Variants in ZNF26 observed in about 807,000 individuals in gnomAD.
The protein encoded by ZNF26 is zinc finger protein 26.
In ZNF26, 32 loss-of-function variants were observed where a neutral mutation model predicts 54.9. That is an observed-to-expected ratio of 0.58 (90% CI 0.44 to 0.78). The LOEUF is 0.78. Ranked by LOEUF, ZNF26 falls within the 30% of genes least tolerant of loss-of-function variation. The pLI is 0.00. For missense variants in ZNF26, 524 were observed against 634.0 expected (o/e 0.83, Z 1.86); for synonymous variants, 221 against 209.2 (o/e 1.06, Z -0.49).
intron 3 of ZNF26, among the ~76,000 whole-genome samples, chr12:133,007,825 A>G (rs1035042915): frequency 2.0e-5 from 3 of 151,992 alleles, no homozygotes; most frequent in African/African-American, 7.2e-5. Context: ...CATGGGTTTT[A>G]TTGGGCATCG....
intron 3 of ZNF26, among the ~76,000 whole-genome samples, chr12:133,009,092 G>T (rs902280540): frequency 3.9e-5 from 6 of 152,222 alleles, no homozygotes; most frequent in South Asian, 2.1e-4. Context: ...CTCCCACCAG[G>T]CCCCACCTCC....
Position 133,012,604 on chromosome 12 carries a change from T to TTTTTTTTTTC in ZNF26, c.*1128_*1129insTTTTCTTTTT, listed in dbSNP as rs1953505751. On this transcript the variant is annotated 3_prime_UTR_variant, in exon 4 of 4. Coordinates refer to ENST00000328654, the MANE Select transcript of ZNF26 (RefSeq NM_019591.4). ...TTTTTTTTTTTTTTTTTTTTTTTTTTTTTTTGAGACTAAGTTTCACTCTTG... is the reference window on the plus strand; with the variant it reads ...TTTTTTTTTTTTTTTTTTTTTTTTTTTTTTTTTTTCTTTTTGAGACTAAGTTTCACTCTTG... 4 of 137,892 alleles carry TTTTTTTTTTC rather than the reference T, an allele frequency of 2.9e-5. No individual in the cohort carries two copies. Among genetic ancestry groups the TTTTTTTTTTC allele is most frequent in the African/African-American group, 8.4e-5 (3 of 35,620 alleles). 8.5% of individuals were successfully genotyped at this position (137,892 alleles called of 1,614,324 possible). A position where few individuals can be genotyped will look rare whatever the true frequency, so the allele number is the denominator to read the frequency against.
rs1299067508 is a variant in ZNF26, at chr12:133,015,944, A to C, written c.*4463A>C. On this transcript the variant is annotated 3_prime_UTR_variant, in exon 4 of 4. Coordinates refer to ENST00000328654, the MANE Select transcript of ZNF26 (RefSeq NM_019591.4). ...TGACTCTTTAATAGAAGTCTGAACT[A>C]GGTATGCCATATATTTCCATATATC... The C allele has an allele frequency of 6.6e-6, 1 of 152,164 alleles. No homozygotes were observed. The highest frequency in any genetic ancestry group is 1.9e-4 in the East Asian group (1 of 5,198). The allele number at this position is 152,164 out of a possible 1,614,324, so 9.4% of individuals were successfully genotyped here.
chr12:132,992,868 C>CT (rs75658006), intron 1 of ZNF26, among the ~76,000 whole-genome samples: 9 of 149,172 alleles, frequency 6.0e-5, no homozygotes, highest in African/African-American at 1.2e-4. Flanking sequence ...ATATTCTGTT[C>CT]TTTTTTTTTT....
intron 3 of ZNF26, among the ~76,000 whole-genome samples, chr12:133,008,015 G>A (rs772871038): frequency 1.3e-5 from 2 of 151,918 alleles, no homozygotes; most frequent in South Asian, 2.1e-4. Flanking sequence ...TCCCTTTTGC[G>A]TTGTCCAGAG....
chr12:133,004,490 AT>A (rs796972680), intron 1 of ZNF26: 2,836 of 146,158 alleles, frequency 0.019, 82 homozygotes, highest in African/African-American at 0.063. Context: ...ATAGGGTGTA[AT>A]TTTTTTTTTT....
intron 1 of ZNF26, 138 bp downstream of exon 1, chr12:132,987,011 C>T: frequency 1.1e-6 from 1 of 918,448 alleles, no homozygotes; most frequent in East Asian, 2.8e-5. Context: ...CCCTCCCCAC[C>T]AAACCAAAGC....
chr12:133,023,222 C>T lies in ZNF26; in HGVS notation c.*11741C>T, dbSNP rs1953664007. ...AGTTTTCTAGAATACTGCACATTAT[C>T]AAAACTGACCAAAGCAGAAAAAGCA... On this transcript the variant is annotated 3_prime_UTR_variant, in exon 4 of 4. Coordinates refer to ENST00000328654, the MANE Select transcript of ZNF26 (RefSeq NM_019591.4). The T allele has an allele frequency of 6.6e-6, 1 of 152,054 alleles. No individual in the cohort carries two copies. Among genetic ancestry groups the T allele is most frequent in the African/African-American group, 2.4e-5 (1 of 41,398 alleles). The allele number at this position is 152,054 out of a possible 1,614,324, so 9.4% of individuals were successfully genotyped here. A position where few individuals can be genotyped will look rare whatever the true frequency, so the allele number is the denominator to read the frequency against.
At position 133,011,973 on chromosome 12, in the gene ZNF26, C is replaced by G. The variant is rs1953484828; in HGVS notation, c.*492C>G. On this transcript the variant is annotated 3_prime_UTR_variant, in exon 4 of 4. Transcript: ENST00000328654. ...TTAATGGATATTTAATGTGACTTTC[C>G]TGAGTTAACACTGAATAGTATTTCT... The G allele has an allele frequency of 1.3e-5, 2 of 152,234 alleles. No homozygotes were observed. The highest frequency in any genetic ancestry group is 4.8e-5 in the African/African-American group (2 of 41,394). The allele number at this position is 152,234 out of a possible 1,614,324, so 9.4% of individuals were successfully genotyped here.
chr12:132,996,417 C>T (rs1953086053), intron 1 of ZNF26, among the ~76,000 whole-genome samples: 1 of 152,148 alleles, frequency 6.6e-6, no homozygotes, highest in African/African-American at 2.4e-5. Context: ...TTTGTTTAGT[C>T]CTCCTTCCTT....
rs1437502345 is a variant in ZNF26 at position 133,020,345 on chromosome 12, T to A, written c.*8864T>A. ...CTCATGAAGATAGAGTTGATGGTGG[T>A]TACCAGAAGCTGGGAAGAGGGGGAA... On this transcript the variant is annotated 3_prime_UTR_variant, in exon 4 of 4. Transcript: ENST00000328654. 6.6e-6 allele frequency: 1 copy of A among 151,930 alleles called. No individual in the cohort carries two copies. The highest frequency in any genetic ancestry group is 1.5e-5 in the Non-Finnish European group (1 of 68,022). The allele number at this position is 151,930 out of a possible 1,614,324, so 9.4% of individuals were successfully genotyped here.
rs1953596273 is a variant in ZNF26 at position 133,018,456 on chromosome 12, A to G, written c.*6975A>G. ...AGTAGACTCTGATAAGTTAATGTGT[A>G]TTTAACACTTCCTAGAACAAACACT... On this transcript the variant is annotated 3_prime_UTR_variant, in exon 4 of 4. Transcript: ENST00000328654. 1 of 152,230 alleles carries G rather than the reference A, an allele frequency of 6.6e-6. No individual in the cohort carries two copies. The highest frequency in any genetic ancestry group is 1.5e-5 in the Non-Finnish European group (1 of 68,046). 9.4% of individuals were successfully genotyped at this position (152,230 alleles called of 1,614,324 possible).
intron 1 of ZNF26, chr12:133,004,344 C>T (rs1177733384): frequency 6.6e-6 from 1 of 152,316 alleles, no homozygotes; most frequent in African/African-American, 2.4e-5. Flanking sequence ...TTGCATCACA[C>T]ACATGCTTAA....
In ZNF26 at chr12:133,001,525, G is replaced by T. The variant is rs1953218577; in HGVS notation, c.34-5517G>T. The T allele has an allele frequency of 1.9e-6, 1 of 525,276 alleles. No homozygotes were observed. Among genetic ancestry groups the T allele is most frequent in the Non-Finnish European group, 3.1e-6 (1 of 323,770 alleles). 32.5% of individuals were successfully genotyped at this position (525,276 alleles called of 1,614,324 possible). ...GGGGCTTGGTTGGAGCCTCTGACAG[G>T]GCTCTGCCCTGCAGTTCCATGGTGT... On this transcript the variant is annotated intron_variant, in intron 1 of 3. Coordinates refer to ENST00000328654, the MANE Select transcript of ZNF26 (RefSeq NM_019591.4). This position sits in a 1 kb window ranked among gnomAD's most constrained non-coding sequence, Gnocchi z 4.7.
At chr12:132,999,528 TA>T (rs1280600247) in intron 1 of ZNF26, among the ~76,000 whole-genome samples, 1 of 152,088 alleles carries the variant, frequency 6.6e-6, no homozygotes, top group East Asian at 1.9e-4. Flanking sequence ...GTGCTGGGAT[TA>T]CAGGCGTGAG....
chr12:133,010,151 G>C lies in ZNF26; in HGVS notation c.272G>C (p.Trp91Ser). The C allele has an allele frequency of 1.3e-6, 2 of 1,582,302 alleles. No individual in the cohort carries two copies. Among genetic ancestry groups the C allele is most frequent in the Non-Finnish European group, 8.5e-7 (1 of 1,170,650 alleles). Residue 91 changes from tryptophan (W) to serine (S), a missense_variant, in exon 4 of 4, where the codon TGG becomes TCG. Physicochemically the swap from Trp to Ser is radical, Grantham distance 177. Coordinates refer to ENST00000328654, the MANE Select transcript of ZNF26 (RefSeq NM_019591.4). ...RQSCPDGWEE[W>S]YQNNQDELES... ...TTTTTTGTAGATGGCTGGGAAGAAT[G>C]GTACCAGAACAATCAAGATGAGCTT...
Position 133,007,430 on chromosome 12 carries a change from T to C in ZNF26, c.161-7T>C. On this transcript the variant is annotated splice_region_variant and splice_polypyrimidine_tract_variant and intron_variant, in intron 2 of 3. Coordinates refer to ENST00000328654, the MANE Select transcript of ZNF26 (RefSeq NM_019591.4). ...GGTCCCCACCCTTTGTGATTTCCCA[T>C]CAACAGGGTATCATGGTACCAAGCC... is the stretch of plus-strand genomic sequence containing the variant. The C allele has an allele frequency of 6.2e-7, 1 of 1,609,332 alleles. No homozygotes were observed. The highest frequency in any genetic ancestry group is 8.5e-7 in the Non-Finnish European group (1 of 1,176,920).
chr12:132,995,713 G>A (rs982282052), intron 1 of ZNF26, among the ~76,000 whole-genome samples: 2 of 151,914 alleles, frequency 1.3e-5, no homozygotes, highest in Non-Finnish European at 2.9e-5. Flanking sequence ...GTGCAGTGGC[G>A]CGATCTTGGC....
In ZNF26 at chr12:133,011,765, A is replaced by T. The variant is rs1244028229; in HGVS notation, c.*284A>T. On this transcript the variant is annotated 3_prime_UTR_variant, in exon 4 of 4. Transcript: ENST00000328654. The stretch of plus-strand genomic sequence containing the variant: ...TAGGAACACCTTATAAGTTGAATAA[A>T]TTAAGGAAGCATTTTCCCATTGAAA... 1.4e-5 allele frequency: 3 copies of T among 208,484 alleles called. No homozygotes were observed. The highest frequency in any genetic ancestry group is 2.9e-5 in the Non-Finnish European group (3 of 104,726). The allele number at this position is 208,484 out of a possible 1,614,324, so 12.9% of individuals were successfully genotyped here.
Sources: gnomAD v4.1 joint callset for allele counts (sites outside exome capture counted in the v4.1 genomes callset) on GRCh38, gnomAD v4.1.1 for gene constraint, Gnocchi (gnomAD v3.1) non-coding constraint, MANE v1.5 for transcripts, NCBI Gene and HGNC (gene_info 2026-07-23, HGNC 2026-07-21) for gene names.